Variants in CRAMP1 observed in about 807,000 individuals in gnomAD.
CRAMP1 encodes protein cramped-like.
In CRAMP1, 50 loss-of-function variants were observed where a neutral mutation model predicts 115.4. That is an observed-to-expected ratio of 0.43 (90% CI 0.35 to 0.55). The LOEUF is 0.55. CRAMP1 is among the 20% of genes least tolerant of loss of function. CRAMP1 has a pLI of 0.01. For synonymous variants in CRAMP1, 866 were observed against 745.4 expected (o/e 1.16, Z -2.64); for missense variants, 1,679 against 1,721.7 (o/e 0.98, Z 0.44).
chr16:1,627,791 T>C (rs1165437151), intron 3 of CRAMP1, among the ~76,000 whole-genome samples: 1 of 152,206 alleles, frequency 6.6e-6, no homozygotes, highest in Non-Finnish European at 1.5e-5. Context: ...GCTGGTTTTG[T>C]GTAGATTCAA....
Position 1,675,760 on chromosome 16 carries a change from C to T in CRAMP1, c.*1715C>T, listed in dbSNP as rs1250862227. 1 of 152,278 alleles carries T rather than the reference C, an allele frequency of 6.6e-6. No homozygotes were observed. The highest frequency in any genetic ancestry group is 1.5e-5 in the Non-Finnish European group (1 of 68,060). The allele number at this position is 152,278 out of a possible 1,614,324, so 9.4% of individuals were successfully genotyped here. A position where few individuals can be genotyped will look rare whatever the true frequency, so the allele number is the denominator to read the frequency against. Reference sequence around the variant, plus strand: ...TTAGAGCTCTTGCCTGAGCTGGCTTCCCTCCTTCAGACATTGACATGAGAT... The same window carrying T: ...TTAGAGCTCTTGCCTGAGCTGGCTTTCCTCCTTCAGACATTGACATGAGAT... On this transcript the variant is annotated 3_prime_UTR_variant, in exon 21 of 21. Transcript: ENST00000397412.
chr16:1,646,147 A>G (rs1220056262), intron 6 of CRAMP1, among the ~76,000 whole-genome samples: 2 of 152,212 alleles, frequency 1.3e-5, no homozygotes, highest in African/African-American at 4.8e-5. Context: ...CAGTGTTGAC[A>G]TGCTGCACTG....
Position 1,675,237 on chromosome 16 carries a change from A to G in CRAMP1, c.*1192A>G, listed in dbSNP as rs528435710. On this transcript the variant is annotated 3_prime_UTR_variant, in exon 21 of 21. Transcript: ENST00000397412. The stretch of plus-strand genomic sequence containing the variant: ...CCAACATCCAGTCTTTCCCCAGGAC[A>G]GAGCTAACAAGGGCCCCTTTGCCTT... The G allele has an allele frequency of 2.0e-5, 3 of 152,422 alleles. No individual in the cohort carries two copies. The East Asian group carries it at 5.8e-4, about 29-fold the overall frequency. 9.4% of individuals were successfully genotyped at this position (152,422 alleles called of 1,614,324 possible). A position where few individuals can be genotyped will look rare whatever the true frequency, so the allele number is the denominator to read the frequency against.
chr16:1,614,827 C>A lies in CRAMP1; in HGVS notation c.188C>A (p.Pro63His). 1 of 1,270,818 alleles carries A rather than the reference C, an allele frequency of 7.9e-7. No individual in the cohort carries two copies. The highest frequency in any genetic ancestry group is 9.9e-7 in the Non-Finnish European group (1 of 1,012,612). 78.7% of individuals were successfully genotyped at this position (1,270,818 alleles called of 1,614,324 possible). The change falls in exon 2 of 21, where the codon CCC becomes CAC. Residue 63 changes from proline (P) to histidine (H), a missense_variant. Physicochemically the swap from Pro to His is moderately conservative, Grantham distance 77. This residue lies in a region of CRAMP1 where 264 missense variants were observed against 229.7 expected (regional missense o/e 1.15). Coordinates refer to ENST00000397412, the MANE Select transcript of CRAMP1 (RefSeq NM_020825.4). This position sits in a 1 kb window ranked among gnomAD's most constrained non-coding sequence, Gnocchi z 4.4. ...RAGADGPPAPPGAPQAPSPPQ... is the reference protein window; with the variant it reads ...RAGADGPPAPHGAPQAPSPPQ... ...GGCGCCGACGGCCCCCCCGCGCCCC[C>A]CGGCGCGCCGCAGGCGCCGTCCCCG...
In CRAMP1 at chr16:1,671,107, C is replaced by T. The variant is rs562178074; in HGVS notation, c.3645+298C>T. Among the ~76,000 whole-genome samples the T allele has an allele frequency of 2.6e-5, 4 of 152,252 alleles. No homozygotes were observed. The highest frequency in any genetic ancestry group is 4.4e-5 in the Non-Finnish European group (3 of 68,026). On this transcript the variant is annotated intron_variant, in intron 20 of 20. Transcript: ENST00000397412. The surrounding 1 kb of genome is among the most constrained non-coding windows in gnomAD (Gnocchi z 5.0). ...CAGGGTCTCTGAAGGCAGCCAGAGC[C>T]GAGTGGGGATGTTACCTCTCCTTCC...
rs1025612705 is a variant in CRAMP1 at position 1,669,668 on chromosome 16, C to T, written c.3499+503C>T. 6.6e-6 allele frequency among the ~76,000 whole-genome samples: 1 copy of T among 152,196 alleles called. No individual in the cohort carries two copies. Among genetic ancestry groups the T allele is most frequent in the African/African-American group, 2.4e-5 (1 of 41,440 alleles). ...GTGTCCATCCTCCTCCCCCACTGCC[C>T]GTTTGCCCACTGGGTAGCAAGTGTG... On this transcript the variant is annotated intron_variant, in intron 19 of 20. Coordinates refer to ENST00000397412, the MANE Select transcript of CRAMP1 (RefSeq NM_020825.4). This position sits in a 1 kb window ranked among gnomAD's most constrained non-coding sequence, Gnocchi z 4.6.
intron 6 of CRAMP1, among the ~76,000 whole-genome samples, chr16:1,652,103 G>A (rs2036729534): frequency 1.3e-5 from 2 of 152,172 alleles, no homozygotes; most frequent in Admixed American, 6.6e-5. Context: ...GAGAGCTTCT[G>A]CTCTGAGGGC....
At position 1,674,141 on chromosome 16, in the gene CRAMP1, G is replaced by A. The variant is rs1188963505; in HGVS notation, c.*96G>A. ...AGATGGTCTGAACAGAGGCATCTCC[G>A]CACCCAAGACTGTGCAACGGGCAGG... On this transcript the variant is annotated 3_prime_UTR_variant, in exon 21 of 21. Transcript: ENST00000397412. 3.7e-5 allele frequency: 46 copies of A among 1,257,212 alleles called. No homozygotes were observed. The highest frequency in any genetic ancestry group is 1.1e-4 in the Admixed American group (5 of 46,090). 77.9% of individuals were successfully genotyped at this position (1,257,212 alleles called of 1,614,324 possible).
chr16:1,659,172 G>A (rs1344650816), intron 10 of CRAMP1, among the ~76,000 whole-genome samples: 2 of 152,198 alleles, frequency 1.3e-5, no homozygotes, highest in Non-Finnish European at 2.9e-5. Flanking sequence ...CAAGCAGAGA[G>A]GCTGCTGCAG....
At chr16:1,644,799 G>A (rs566620632) in intron 6 of CRAMP1, among the ~76,000 whole-genome samples, 6 of 152,144 alleles carry the variant, frequency 3.9e-5, no homozygotes, top group African/African-American at 1.4e-4. Flanking sequence ...TGTGCCTCTC[G>A]TTCCCTGTGG....
In CRAMP1 at chr16:1,626,047, T is replaced by G; in HGVS notation, c.421T>G (p.Ser141Ala). The change falls in exon 3 of 21, where the codon TCC (serine) becomes GCC (alanine). Residue 141 changes from serine (S) to alanine (A), a missense_variant. This residue lies in a region of CRAMP1 where 264 missense variants were observed against 229.7 expected (regional missense o/e 1.15). Coordinates refer to ENST00000397412, the MANE Select transcript of CRAMP1 (RefSeq NM_020825.4). ...TGCTGCCCCTGCAGGGGGCTCGCGC[T>G]CCTCCTCCCGGAACTTAGGGTCTTC... is the stretch of plus-strand genomic sequence containing the variant. ...APAAPAGGSR[S>A]SSRNLGSSGG... 6.4e-7 allele frequency: 1 copy of G among 1,551,548 alleles called. No homozygotes were observed. Among genetic ancestry groups the G allele is most frequent in the South Asian group, 1.2e-5 (1 of 84,058 alleles).
rs1366019553 is a variant in CRAMP1 at position 1,676,113 on chromosome 16, G to C, written c.*2068G>C. 2.6e-5 allele frequency: 4 copies of C among 152,302 alleles called. No individual in the cohort carries two copies. The highest frequency in any genetic ancestry group is 9.6e-5 in the African/African-American group (4 of 41,456). The allele number at this position is 152,302 out of a possible 1,614,324, so 9.4% of individuals were successfully genotyped here. A position where few individuals can be genotyped will look rare whatever the true frequency, so the allele number is the denominator to read the frequency against. On this transcript the variant is annotated 3_prime_UTR_variant, in exon 21 of 21. Transcript: ENST00000397412. ...TGTGCACTGTGCCAGGGACAGGAGGGTTTGTGAACTGCCTGTCAGGGTACC... is the reference window on the plus strand; with the variant it reads ...TGTGCACTGTGCCAGGGACAGGAGGCTTTGTGAACTGCCTGTCAGGGTACC...
At position 1,662,791 on chromosome 16, in the gene CRAMP1, C is replaced by T; in HGVS notation, c.2626C>T (p.Arg876Trp). ...GTCGGATTTCTTCCTGCCAAAGCCC[C>T]GGAAGCTGCGGAACCGGCACCTGCG... is the stretch of plus-strand genomic sequence containing the variant. ...MQSDFFLPKP[R>W]KLRNRHLRKP... is the part of the protein sequence containing the mutation. The change falls in exon 13 of 21, where the codon CGG becomes TGG. Residue 876 changes from arginine (R) to tryptophan (W), a missense_variant. Arg to Trp is a moderately radical substitution (Grantham distance 101, BLOSUM62 -3). This residue lies in a region of CRAMP1 where 709 missense variants were observed against 741.9 expected (regional missense o/e 0.96). Coordinates refer to ENST00000397412, the MANE Select transcript of CRAMP1 (RefSeq NM_020825.4). 1 of 1,613,880 alleles carries T rather than the reference C, an allele frequency of 6.2e-7. No individual in the cohort carries two copies. The highest frequency in any genetic ancestry group is 8.5e-7 in the Non-Finnish European group (1 of 1,179,896).
chr16:1,635,344 C>T (rs540218782), intron 4 of CRAMP1, among the ~76,000 whole-genome samples: 148 of 152,300 alleles, frequency 9.7e-4, no homozygotes, highest in African/African-American at 3.4e-3. Context: ...CGTGTGTGTT[C>T]GTCTTACTAA....
chr16:1,671,689 G>T lies in CRAMP1; in HGVS notation c.3645+880G>T, dbSNP rs1417686896. Among the ~76,000 whole-genome samples, 1 of 152,198 alleles carries T rather than the reference G, an allele frequency of 6.6e-6. No homozygotes were observed. The highest frequency in any genetic ancestry group is 1.5e-5 in the Non-Finnish European group (1 of 68,030). ...CCCCACAATGTTGAGACATTGGCAG[G>T]TGTTCCTTGAGGATTTTGTGGGTAG... On this transcript the variant is annotated intron_variant, in intron 20 of 20. Transcript: ENST00000397412. The surrounding 1 kb of genome is among the most constrained non-coding windows in gnomAD (Gnocchi z 5.0).
chr16:1,649,495 T>A (rs2036704781), intron 6 of CRAMP1, among the ~76,000 whole-genome samples: 1 of 152,238 alleles, frequency 6.6e-6, no homozygotes, highest in Non-Finnish European at 1.5e-5. Flanking sequence ...ATTTTTATTT[T>A]TTTATTTTTT....
intron 3 of CRAMP1, among the ~76,000 whole-genome samples, chr16:1,630,426 A>G (rs1204948424): frequency 6.6e-6 from 1 of 152,228 alleles, no homozygotes; most frequent in East Asian, 1.9e-4. Context: ...TGCTGGGATT[A>G]CAGGCACGAG....
intron 2 of CRAMP1, among the ~76,000 whole-genome samples, chr16:1,623,628 T>C (rs2036484212): frequency 6.6e-6 from 1 of 152,252 alleles, no homozygotes; most frequent in Non-Finnish European, 1.5e-5. Context: ...CTTAGGAACC[T>C]GAAAATGGCT....
intron 18 of CRAMP1, 125 bp from the exon 19 acceptor site, chr16:1,668,876 A>G: frequency 1.2e-6 from 1 of 847,480 alleles, no homozygotes; most frequent in Non-Finnish European, 1.9e-6. Context: ...GAGCCATGCC[A>G]TCCATCTGGT....
Sources: allele counts gnomAD v4.1 joint callset (sites outside exome capture counted in the v4.1 genomes callset), GRCh38; gene constraint gnomAD v4.1.1; regional missense constraint gnomAD v4.1.1; non-coding constraint Gnocchi (gnomAD v3.1); transcripts MANE v1.5; gene names NCBI Gene and HGNC (gene_info 2026-07-23, HGNC 2026-07-21).